The following CEBPZ variants were observed in gnomAD, a reference collection of about 807,000 sequenced individuals.
CEBPZ encodes the protein CCAAT/enhancer-binding protein zeta.
In CEBPZ, 78 loss-of-function variants were observed where a neutral mutation model predicts 104.5. That is an observed-to-expected ratio of 0.75 (90% CI 0.62 to 0.90). CEBPZ has a LOEUF of 0.90. Among genes scored for constraint, CEBPZ ranks in the 40% least tolerant of loss-of-function variants. CEBPZ has a pLI of 0.00. For synonymous variants in CEBPZ, 470 were observed against 427.0 expected (o/e 1.10, Z -1.24); for missense variants, 1,439 against 1,233.5 (o/e 1.17, Z -2.50).
chr2:37,216,232 A>G, intron 7 of CEBPZ, 24 bp from the exon 8 acceptor site: 2 of 1,608,752 alleles, frequency 1.2e-6, no homozygotes, highest in Non-Finnish European at 1.7e-6. Context: ...TTATGACAGT[A>G]TAATGCAAAA....
At position 37,213,906 on chromosome 2, in the gene CEBPZ, T is replaced by C. The variant is rs1473931005; in HGVS notation, c.2503A>G (p.Ser835Gly). ...TCTTCATCATCCACGTCTTCTATAC[T>C]TTCTTCATCTGCATCCCGTTTTTGT... ...EKQKRDADEE[S>G]IEDVDDEEFE... Residue 835 changes from serine (S) to glycine (G), a missense_variant, in exon 10 of 16, where the codon AGT becomes GGT. Transcript: ENST00000234170. 3 of 1,599,818 alleles carry C rather than the reference T, an allele frequency of 1.9e-6. No homozygotes were observed. The South Asian group carries it at 3.4e-5, about 18-fold the overall frequency.
In CEBPZ at chr2:37,228,726, G is replaced by A. The variant is rs1553352617; in HGVS notation, c.467C>T (p.Thr156Ile). 4 of 1,614,134 alleles carry A rather than the reference G, an allele frequency of 2.5e-6. No homozygotes were observed. Among genetic ancestry groups the A allele is most frequent in the Non-Finnish European group, 3.4e-6 (4 of 1,179,994 alleles). ...CTGTTTATCTTTCTTTACTTTCGGT[G>A]TGGTACTGCCATTCTCATCAGAATG... ...EPHSDENGST[T>I]PKVKKDKQNI... is the part of the protein sequence containing the mutation. Residue 156 changes from threonine to isoleucine, a missense_variant, in exon 2 of 16, where the codon ACA becomes ATA. By Grantham distance (89) the Thr-to-Ile change is moderately conservative. Coordinates refer to ENST00000234170, the MANE Select transcript of CEBPZ (RefSeq NM_005760.3).
chr2:37,209,838 A>G (rs1677662258), intron 13 of CEBPZ: 1 of 138,936 alleles, frequency 7.2e-6, no homozygotes, highest in Non-Finnish European at 1.5e-5. Context: ...AGCAGAGTAA[A>G]TAGACAACCC....
intron 1 of CEBPZ, among the ~76,000 whole-genome samples, 157 bp from the exon 2 acceptor site, chr2:37,229,193 T>G (rs1395874902): frequency 6.6e-6 from 1 of 151,914 alleles, no homozygotes; most frequent in Non-Finnish European, 1.5e-5. Flanking sequence ...AAAGGATAAG[T>G]AAATTTCTCT....
chr2:37,231,422 C>G lies in CEBPZ; in HGVS notation c.146G>C (p.Gly49Ala). ...GCCCGCGGCCGTTACCTTGGTGCCTCCGAGCCGTAACACTTCCTCCAGGGA... is the reference window on the plus strand; with the variant it reads ...GCCCGCGGCCGTTACCTTGGTGCCTGCGAGCCGTAACACTTCCTCCAGGGA... Reference protein sequence around the residue: ...GFSLEEVLRLGGTKQDYLMLA... With the variant: ...GFSLEEVLRLAGTKQDYLMLA... Residue 49 changes from glycine (G) to alanine (A), a missense_variant, in exon 1 of 16, where the codon GGA becomes GCA. Gly to Ala is a moderately conservative substitution (Grantham distance 60, BLOSUM62 0). Coordinates refer to ENST00000234170, the MANE Select transcript of CEBPZ (RefSeq NM_005760.3). 1 of 1,614,068 alleles carries G rather than the reference C, an allele frequency of 6.2e-7. No individual in the cohort carries two copies. Among genetic ancestry groups the G allele is most frequent in the Non-Finnish European group, 8.5e-7 (1 of 1,180,022 alleles).
chr2:37,227,580 T>G lies in CEBPZ; in HGVS notation c.1613A>C (p.Gln538Pro). 1 of 1,613,604 alleles carries G rather than the reference T, an allele frequency of 6.2e-7. No homozygotes were observed. Among genetic ancestry groups the G allele is most frequent in the Non-Finnish European group, 8.5e-7 (1 of 1,179,756 alleles). The change falls in exon 2 of 16, where the codon CAG (glutamine) becomes CCG (proline). Residue 538 changes from glutamine to proline, a missense_variant. Physicochemically the swap from Gln to Pro is moderately conservative, Grantham distance 76 (BLOSUM62 -1). Coordinates refer to ENST00000234170, the MANE Select transcript of CEBPZ (RefSeq NM_005760.3). Reference protein sequence around the residue: ...MLLFQVMNSQQTISDRYYTAL... With the variant: ...MLLFQVMNSQPTISDRYYTAL... The stretch of plus-strand genomic sequence containing the variant: ...TGTGTAATATCGATCCGATATTGTC[T>G]GCTGAGAATTCATTACTTGGAAAAG...
Position 37,216,344 on chromosome 2 carries a change from GTA to G in CEBPZ, c.2281_2282del (p.Tyr761ProfsTer7). On this transcript the variant is annotated frameshift_variant, in exon 7 of 16. Transcript: ENST00000234170. LOFTEE classifies it high-confidence loss of function. Reference sequence around the variant, plus strand: ...TGCCTTTATGGGGCTTTGGATTTCGGTATACAAATCGATCCAAAAATCTCATT... The same window carrying G: ...TGCCTTTATGGGGCTTTGGATTTCGGTACAAATCGATCCAAAAATCTCATT... ...TLMRFLDRFV[Y>X]RNPKPHKGKE... The G allele has an allele frequency of 6.2e-7, 1 of 1,613,780 alleles. No individual in the cohort carries two copies.
intron 7 of CEBPZ, 49 bp from the exon 8 acceptor site, chr2:37,216,257 C>G (rs1278581481): frequency 3.1e-6 from 5 of 1,599,012 alleles, no homozygotes; most frequent in Admixed American, 3.4e-5. Flanking sequence ...GTTATAAGCT[C>G]ATATTGTTTA....
At chr2:37,230,251 A>C (rs924466423) in intron 1 of CEBPZ, among the ~76,000 whole-genome samples, 3 of 152,224 alleles carry the variant, frequency 2.0e-5, no homozygotes, top group Admixed American at 6.5e-5. Flanking sequence ...GTGTATATAT[A>C]TGGTACCATT....
chr2:37,203,863 TGTA>T (rs1677409096), intron 13 of CEBPZ: 2 of 152,218 alleles, frequency 1.3e-5, no homozygotes, highest in African/African-American at 4.8e-5. Context: ...TCATCCATGT[TGTA>T]GTACTCCATG....
intron 15 of CEBPZ, 29 bp from the exon 16 acceptor site, chr2:37,201,932 A>AC: frequency 6.2e-7 from 1 of 1,603,324 alleles, no homozygotes; most frequent in Non-Finnish European, 8.5e-7. Context: ...AGATGAGTGT[A>AC]CTACCACACT....
chr2:37,223,136 C>T, intron 3 of CEBPZ, 34 bp downstream of exon 3: 2 of 1,525,746 alleles, frequency 1.3e-6, no homozygotes. Context: ...TATTTCAGCA[C>T]CCACTCAATT....
chr2:37,210,832 AC>A, intron 13 of CEBPZ, 166 bp downstream of exon 13: 1 of 489,654 alleles, frequency 2.0e-6, no homozygotes, highest in Non-Finnish European at 3.6e-6. Flanking sequence ...AATGCGAGAA[AC>A]AATTCAAAAT....
In CEBPZ at chr2:37,231,564, C is replaced by A. The variant is rs1385913783; in HGVS notation, c.4G>T (p.Ala2Ser). The A allele has an allele frequency of 1.2e-6, 2 of 1,614,236 alleles. No individual in the cohort carries two copies. Reference sequence around the variant, plus strand: ...AACTCCAAAGGCTCCTTGACTGCGGCCATGGCGGGCAAAGCATACGCGCGT... The same window carrying A: ...AACTCCAAAGGCTCCTTGACTGCGGACATGGCGGGCAAAGCATACGCGCGT... Reference protein sequence around the residue: MAAVKEPLEFHA... With the variant: MSAVKEPLEFHA... Residue 2 changes from alanine (A) to serine (S), a missense_variant, in exon 1 of 16, where the codon GCC (alanine) becomes TCC (serine). Ala to Ser is a moderately conservative substitution (Grantham distance 99, BLOSUM62 1). Coordinates refer to ENST00000234170, the MANE Select transcript of CEBPZ (RefSeq NM_005760.3).
intron 13 of CEBPZ, chr2:37,203,734 A>G (rs560172846): frequency 1.7e-4 from 26 of 152,272 alleles, no homozygotes; most frequent in African/African-American, 6.3e-4. Flanking sequence ...CCTCCAACCC[A>G]TCTCCGATCT....
At chr2:37,222,267 G>A (rs917712489) in intron 4 of CEBPZ, 113 bp downstream of exon 4, 3 of 949,330 alleles carry the variant, frequency 3.2e-6, no homozygotes, top group Non-Finnish European at 4.5e-6. Flanking sequence ...CTGGGCAACA[G>A]AGTGAGACTC....
At chr2:37,218,761 G>A (rs563389099) in intron 5 of CEBPZ, among the ~76,000 whole-genome samples, 1 of 152,124 alleles carries the variant, frequency 6.6e-6, no homozygotes, top group Non-Finnish European at 1.5e-5. Context: ...AAAATTAGCT[G>A]GGCATGGTGG....
chr2:37,229,133 A>G, intron 1 of CEBPZ, 97 bp from the exon 2 acceptor site: 1 of 1,121,336 alleles, frequency 8.9e-7, no homozygotes, highest in Non-Finnish European at 1.2e-6. Flanking sequence ...ATAATTTCGG[A>G]ACTGGAAAAA....
Position 37,223,310 on chromosome 2 carries a change from G to C in CEBPZ, c.1741C>G (p.Arg581Gly), listed in dbSNP as rs201963398. ...CTCTTCACAAAAGCCTTCACCCGGC[G>C]CAACACAATGTCAGCTTTCAGAGAT... is the stretch of plus-strand genomic sequence containing the variant. ...YKSLKADIVL[R>G]RVKAFVKRLL... is the part of the protein sequence containing the mutation. Residue 581 changes from arginine to glycine, a missense_variant, in exon 3 of 16, where the codon CGC becomes GGC. Physicochemically the swap from Arg to Gly is moderately radical, Grantham distance 125. Coordinates refer to ENST00000234170, the MANE Select transcript of CEBPZ (RefSeq NM_005760.3). 5 of 1,613,956 alleles carry C rather than the reference G, an allele frequency of 3.1e-6. No homozygotes were observed. The highest frequency in any genetic ancestry group is 4.2e-6 in the Non-Finnish European group (5 of 1,180,024).
Sources: allele counts gnomAD v4.1 joint callset (sites outside exome capture counted in the v4.1 genomes callset), GRCh38; gene constraint gnomAD v4.1.1; transcripts MANE v1.5; gene names NCBI Gene and HGNC (gene_info 2026-07-23, HGNC 2026-07-21).